Variants in PCCA observed in about 807,000 individuals in gnomAD.
PCCA encodes propionyl-CoA carboxylase subunit alpha, also known as propionyl-CoA carboxylase alpha chain, mitochondrial.
Under a neutral mutation model 101.3 loss-of-function variants are expected in PCCA, and 74 were observed. That is an observed-to-expected ratio of 0.73 (90% CI 0.61 to 0.89). The LOEUF (loss-of-function observed/expected upper bound fraction) is 0.89. Among genes scored for constraint, PCCA ranks in the 40% least tolerant of loss-of-function variants. PCCA has a pLI of 0.00. For synonymous variants in PCCA, 294 were observed against 313.6 expected, an observed-to-expected ratio of 0.94 and a Z score of 0.66; for missense variants, 891 against 907.0, an observed-to-expected ratio of 0.98 and a Z score of 0.23.
At chr13:100,345,432 A>C (rs2072033030) in intron 18 of PCCA, among the ~76,000 whole-genome samples, 1 of 152,348 alleles carries the variant, frequency 6.6e-6, no homozygotes, top group Admixed American at 6.5e-5. Flanking sequence ...CCTAATCTAG[A>C]GCAAGGCCCT....
intron 19 of PCCA, among the ~76,000 whole-genome samples, chr13:100,384,409 T>C (rs2076392447): frequency 1.3e-5 from 2 of 152,252 alleles, no homozygotes; most frequent in South Asian, 2.1e-4. Flanking sequence ...ACTTAGAATA[T>C]GCCAAGAATC....
In PCCA at chr13:100,372,352, A is replaced by AAAAACAAAACAAAAC. The variant is rs139660296; in HGVS notation, c.1746+3793_1746+3807dup. ...AGGTGACAGAGTGAGACCCTGTCTC[A>AAAAACAAAACAAAAC]AAAACAAAACAAAACAAAACAAAAC... is the stretch of plus-strand genomic sequence containing the variant. On this transcript the variant is annotated intron_variant, in intron 19 of 23. Coordinates refer to ENST00000376285, the MANE Select transcript of PCCA (RefSeq NM_000282.4). 9.9e-4 allele frequency among the ~76,000 whole-genome samples: 148 copies of AAAAACAAAACAAAAC among 150,088 alleles called. 1 individual carries two copies. Among genetic ancestry groups the AAAAACAAAACAAAAC allele is most frequent in the African/African-American group, 2.7e-3 (109 of 40,872 alleles).
At chr13:100,409,438 A>G (rs955791100) in intron 19 of PCCA, among the ~76,000 whole-genome samples, 2 of 152,108 alleles carry the variant, frequency 1.3e-5, no homozygotes, top group African/African-American at 4.8e-5. Flanking sequence ...TGAAAAGGGA[A>G]AAAAAGGGGG....
At chr13:100,150,694 G>T (rs2053203002) in intron 4 of PCCA, 1 of 1,539,858 alleles carries the variant, frequency 6.5e-7, no homozygotes, top group Non-Finnish European at 8.9e-7. Flanking sequence ...ATGGATCAGT[G>T]AGGATAACCT....
chr13:100,506,903 A>G (rs2086126113), intron 21 of PCCA, among the ~76,000 whole-genome samples: 1 of 152,196 alleles, frequency 6.6e-6, no homozygotes, highest in Admixed American at 6.5e-5. Flanking sequence ...TGCCCTAATT[A>G]TAGATTTTTA....
intron 22 of PCCA, among the ~76,000 whole-genome samples, chr13:100,525,633 A>G (rs868566024): frequency 2.0e-5 from 3 of 152,280 alleles, no homozygotes; most frequent in African/African-American, 4.8e-5. Flanking sequence ...AAACAGAAGC[A>G]GGAGCTGCCT....
chr13:100,103,887 C>T (rs1336981222), intron 2 of PCCA, among the ~76,000 whole-genome samples: 11 of 152,260 alleles, frequency 7.2e-5, no homozygotes, highest in Non-Finnish European at 1.0e-4. Context: ...CCGCCTGCCT[C>T]GAGCTCCCAA....
intron 2 of PCCA, among the ~76,000 whole-genome samples, chr13:100,107,079 AGTAGACTT>A (rs1381433344): frequency 6.6e-6 from 1 of 152,214 alleles, no homozygotes; most frequent in Admixed American, 6.5e-5. Context: ...CCCAAGTGCA[AGTAGACTT>A]GGTCTTTGGT....
intron 21 of PCCA, among the ~76,000 whole-genome samples, chr13:100,476,187 A>G (rs2083408769): frequency 6.6e-6 from 1 of 152,232 alleles, no homozygotes; most frequent in Non-Finnish European, 1.5e-5. Context: ...GAGAAAATTA[A>G]TGCTGTTTGT....
chr13:100,299,845 TG>T (rs2065918044), intron 12 of PCCA, among the ~76,000 whole-genome samples: 1 of 152,228 alleles, frequency 6.6e-6, no homozygotes, highest in Non-Finnish European at 1.5e-5. Flanking sequence ...CCTGAGTAGC[TG>T]GGACTACAGG....
chr13:100,425,783 G>T (rs2079101324), intron 20 of PCCA, 52 bp downstream of exon 20: 2 of 1,132,854 alleles, frequency 1.8e-6, no homozygotes, highest in East Asian at 4.7e-5. Flanking sequence ...CAGAATCCTT[G>T]TCAGCACCTG....
intron 8 of PCCA, among the ~76,000 whole-genome samples, chr13:100,246,082 G>C (rs542760253): frequency 6.6e-6 from 1 of 152,282 alleles, no homozygotes; most frequent in South Asian, 2.1e-4. Context: ...AACTATCTAG[G>C]GGGTGTGGGC....
intron 6 of PCCA, among the ~76,000 whole-genome samples, chr13:100,158,917 C>T (rs1397837156): frequency 6.6e-6 from 1 of 151,548 alleles, no homozygotes; most frequent in Non-Finnish European, 1.5e-5. Flanking sequence ...TTTGGGAACT[C>T]CTGCTATAAA....
In PCCA at chr13:100,238,447, A is replaced by T. The variant is rs1174171287; in HGVS notation, c.637+2569A>T. Reference sequence around the variant, plus strand: ...TTTGTACTTGGGCACATCCTTTATGACTCCTTTCTCTTTCCTGTCCTTCTT... The same window carrying T: ...TTTGTACTTGGGCACATCCTTTATGTCTCCTTTCTCTTTCCTGTCCTTCTT... On this transcript the variant is annotated intron_variant, in intron 8 of 23. Transcript: ENST00000376285. Among the ~76,000 whole-genome samples the T allele has an allele frequency of 2.0e-5, 3 of 151,658 alleles. No individual in the cohort carries two copies. The East Asian group carries it at 5.8e-4, about 29-fold the overall frequency.
intron 21 of PCCA, among the ~76,000 whole-genome samples, chr13:100,474,026 C>T (rs971987625): frequency 6.6e-6 from 1 of 152,154 alleles, no homozygotes; most frequent in Non-Finnish European, 1.5e-5. Context: ...TGATGAACCC[C>T]CTGGGTAGAG....
intron 1 of PCCA, among the ~76,000 whole-genome samples, chr13:100,097,459 C>A (rs1052153977): frequency 3.3e-5 from 5 of 152,130 alleles, no homozygotes; most frequent in Admixed American, 1.3e-4. Context: ...GTGGCTCACA[C>A]CTGTAATCCC....
intron 16 of PCCA, among the ~76,000 whole-genome samples, chr13:100,322,990 A>T (rs953860931): frequency 1.3e-5 from 2 of 152,208 alleles, no homozygotes; most frequent in Non-Finnish European, 2.9e-5. Context: ...CCTTCCCATG[A>T]TATCTAATGG....
chr13:100,512,126 T>C (rs899157440), intron 21 of PCCA, among the ~76,000 whole-genome samples: 1 of 152,212 alleles, frequency 6.6e-6, no homozygotes, highest in East Asian at 1.9e-4. Context: ...AGGCTTTCAA[T>C]AGGTCCACGG....
chr13:100,504,082 C>T lies in PCCA; in HGVS notation c.1900-11345C>T, dbSNP rs183103130. Among the ~76,000 whole-genome samples, 2 of 152,298 alleles carry T rather than the reference C, an allele frequency of 1.3e-5. 1 individual carries two copies. Among genetic ancestry groups the T allele is most frequent in the South Asian group, 4.1e-4 (2 of 4,828 alleles). On this transcript the variant is annotated intron_variant, in intron 21 of 23. Coordinates refer to ENST00000376285, the MANE Select transcript of PCCA (RefSeq NM_000282.4). ...GATTAGTAAATTGTTTTACACACCT[C>T]TTTACCATTGGACTTGTTACAATAA...
Sources: allele counts gnomAD v4.1 joint callset (sites outside exome capture counted in the v4.1 genomes callset), GRCh38; gene constraint gnomAD v4.1.1; transcripts MANE v1.5; gene names NCBI Gene and HGNC (gene_info 2026-07-23, HGNC 2026-07-21).